PCDHA5: variants seen among roughly 807,000 people sequenced by gnomAD.
PCDHA5 encodes protocadherin alpha-5.
In PCDHA5, 43 loss-of-function variants were observed where a neutral mutation model predicts 61.6. That is an observed-to-expected ratio of 0.70 (90% CI 0.55 to 0.90). PCDHA5 has a LOEUF of 0.90. Ranked by LOEUF, PCDHA5 falls within the 40% of genes least tolerant of loss-of-function variation. The probability of loss-of-function intolerance (pLI) is 0.00; values close to 1 mark genes in which losing one functional copy is unlikely to be tolerated. For synonymous variants in PCDHA5, 627 were observed against 543.9 expected (o/e 1.15, Z -2.13); for missense variants, 1,298 against 1,222.7 (o/e 1.06, Z -0.92).
intron 1 of PCDHA5, chr5:140,870,006 G>A (rs1554163702): frequency 1.2e-6 from 2 of 1,613,604 alleles, no homozygotes; most frequent in Non-Finnish European, 1.7e-6. Flanking sequence ...ATGGAGAAGT[G>A]AGGGTCAATG....
chr5:140,997,375 G>A (rs983164883), intron 3 of PCDHA5, among the ~76,000 whole-genome samples: 1 of 152,066 alleles, frequency 6.6e-6, no homozygotes, highest in Non-Finnish European at 1.5e-5. Flanking sequence ...AGATGATATA[G>A]CATACTACAC....
At chr5:140,997,098 C>T (rs1328956245) in intron 3 of PCDHA5, among the ~76,000 whole-genome samples, 12 of 152,128 alleles carry the variant, frequency 7.9e-5, no homozygotes, top group Admixed American at 5.2e-4. Context: ...GCAGAGTTCT[C>T]ATGCACTCCT....
chr5:141,006,869 C>T (rs190273260), intron 3 of PCDHA5, among the ~76,000 whole-genome samples: 50 of 152,182 alleles, frequency 3.3e-4, no homozygotes, highest in African/African-American at 1.0e-3. Flanking sequence ...GGAATAGATT[C>T]GAGGAATCAA....
chr5:140,836,650 A>T (rs1426602429), intron 1 of PCDHA5: 1 of 1,613,394 alleles, frequency 6.2e-7, no homozygotes, highest in African/African-American at 1.3e-5. Flanking sequence ...CAGAGGCGGC[A>T]GAGGGTGTGC....
In PCDHA5 at chr5:140,841,946, C is replaced by T. The variant is rs2150326253; in HGVS notation, c.2352+17819C>T. 2.0e-5 allele frequency: 32 copies of T among 1,613,790 alleles called. No homozygotes were observed. The Admixed American group carries it at 5.3e-4, about 27-fold the overall frequency. Reference sequence around the variant, plus strand: ...GGACAGAGAGGACGCTCCTGCGCACCACTTATTCCTGACAGCCACAGATGG... The same window carrying T: ...GGACAGAGAGGACGCTCCTGCGCACTACTTATTCCTGACAGCCACAGATGG... On this transcript the variant is annotated intron_variant, in intron 1 of 3. Transcript: ENST00000529859.
chr5:140,989,085 C>T (rs1481898269), intron 3 of PCDHA5: 7 of 152,258 alleles, frequency 4.6e-5, no homozygotes, highest in Non-Finnish European at 7.4e-5. Context: ...CTCTGAAAAC[C>T]TTGTCAGGAG....
At chr5:140,864,927 G>T (rs2048656466) in intron 1 of PCDHA5, 1 of 152,138 alleles carries the variant, frequency 6.6e-6, no homozygotes, top group Non-Finnish European at 1.5e-5. Flanking sequence ...GCTTGGCAGG[G>T]TGTCTCAGGC....
chr5:140,924,902 A>AAAAAT (rs1554202311), intron 1 of PCDHA5, among the ~76,000 whole-genome samples: 1 of 39,026 alleles, frequency 2.6e-5, no homozygotes, highest in Non-Finnish European at 6.3e-5. Context: ...CTCAAAAAAA[A>AAAAAT]AAATAAAATA....
At chr5:140,845,181 TA>T (rs1554140854) in intron 1 of PCDHA5, among the ~76,000 whole-genome samples, 1 of 149,328 alleles carries the variant, frequency 6.7e-6, no homozygotes, top group African/African-American at 2.5e-5. Context: ...TTTAGTCCTT[TA>T]AAAAATATGA....
intron 1 of PCDHA5, among the ~76,000 whole-genome samples, chr5:140,894,631 A>G (rs1413513485): frequency 6.6e-6 from 1 of 151,582 alleles, no homozygotes; most frequent in Non-Finnish European, 1.5e-5. Flanking sequence ...TTCTCCAATC[A>G]TATCATTACT....
Position 140,824,128 on chromosome 5 carries a change from G to A in PCDHA5, c.2352+1G>A, listed in dbSNP as rs1554129741. On this transcript the variant is annotated splice_donor_variant, in intron 1 of 3. Transcript: ENST00000529859. LOFTEE classifies it high-confidence loss of function. ...TCAGGGTCCCACCTCTACAGACAAC[G>A]TGAGTTTTCTAATATTAACATCCAT... 3.3e-5 allele frequency: 54 copies of A among 1,612,826 alleles called. No individual in the cohort carries two copies. Among genetic ancestry groups the A allele is most frequent in the Non-Finnish European group, 4.3e-5 (51 of 1,178,864 alleles).
intron 1 of PCDHA5, among the ~76,000 whole-genome samples, chr5:140,920,281 A>G (rs1227812998): frequency 6.6e-6 from 1 of 152,176 alleles, no homozygotes; most frequent in Admixed American, 6.5e-5. Flanking sequence ...GTAATCTTAT[A>G]TTTTTTAGAG....
chr5:140,843,338 G>T (rs2150357785), intron 1 of PCDHA5: 1 of 1,596,002 alleles, frequency 6.3e-7, no homozygotes, highest in Non-Finnish European at 8.6e-7. Flanking sequence ...GGTGGAGAGC[G>T]GCCAGGCTCC....
chr5:140,950,569 T>G (rs969438550), intron 1 of PCDHA5, among the ~76,000 whole-genome samples: 2 of 152,120 alleles, frequency 1.3e-5, no homozygotes, highest in African/African-American at 4.8e-5. Context: ...TATTTTAAGG[T>G]TTTCTACTTA....
At chr5:140,836,089 G>T in intron 1 of PCDHA5, 1 of 1,613,682 alleles carries the variant, frequency 6.2e-7, no homozygotes. Context: ...CTGGCGCCTC[G>T]GGTGGGTGGC....
intron 1 of PCDHA5, among the ~76,000 whole-genome samples, chr5:140,914,408 T>C (rs917953173): frequency 6.6e-6 from 1 of 152,224 alleles, no homozygotes; most frequent in Non-Finnish European, 1.5e-5. Context: ...GCTCCTGTTT[T>C]GTTTCCATTA....
intron 1 of PCDHA5, among the ~76,000 whole-genome samples, chr5:140,855,385 G>C (rs2043451354): frequency 6.7e-6 from 1 of 149,884 alleles, no homozygotes; most frequent in Non-Finnish European, 1.5e-5. Context: ...AATCTAAATG[G>C]AGAAATGTCT....
intron 1 of PCDHA5, chr5:140,877,501 A>T: frequency 6.2e-7 from 1 of 1,613,804 alleles, no homozygotes; most frequent in Non-Finnish European, 8.5e-7. Flanking sequence ...CCAGGCCCCA[A>T]AGACGTCGTC....
intron 1 of PCDHA5, chr5:140,859,027 C>T (rs1486669007): frequency 6.6e-6 from 1 of 150,752 alleles, no homozygotes; most frequent in Non-Finnish European, 1.5e-5. Context: ...AAGTTAAATG[C>T]TTTGAACTTT....
Sources: allele counts gnomAD v4.1 joint callset (sites outside exome capture counted in the v4.1 genomes callset), GRCh38; gene constraint gnomAD v4.1.1; transcripts MANE v1.5; gene names NCBI Gene and HGNC (gene_info 2026-07-23, HGNC 2026-07-21).